The following TMEM132B variants were observed in gnomAD, a reference collection of about 807,000 sequenced individuals.
TMEM132B encodes transmembrane protein 132B.
In TMEM132B, 18 loss-of-function variants were observed where a neutral mutation model predicts 90.8. The observed-to-expected ratio is 0.20, with a 90% confidence interval of 0.14 to 0.29. TMEM132B has a LOEUF of 0.29. Ranked by LOEUF, TMEM132B falls within the 10% of genes least tolerant of loss-of-function variation. The pLI, the probability that TMEM132B is intolerant of heterozygous loss-of-function variation, is 1.00. For synonymous variants in TMEM132B, 504 were observed against 523.3 expected (o/e 0.96, Z 0.50); for missense variants, 1,096 against 1,326.8 (o/e 0.83, Z 2.70).
chr12:125,522,070 G>T (rs965613440), intron 4 of TMEM132B, among the ~76,000 whole-genome samples: 1 of 152,110 alleles, frequency 6.6e-6, no homozygotes, highest in African/African-American at 2.4e-5. Context: ...TTCCTCTCAG[G>T]TCTCCTTTTG....
chr12:125,636,170 G>C (rs561079181), intron 5 of TMEM132B, among the ~76,000 whole-genome samples: 1 of 152,256 alleles, frequency 6.6e-6, no homozygotes, highest in African/African-American at 2.4e-5. Flanking sequence ...GTAGATAGTT[G>C]TTAAATTGGT....
At chr12:125,561,341 G>A (rs559522300) in intron 4 of TMEM132B, among the ~76,000 whole-genome samples, 5 of 151,508 alleles carry the variant, frequency 3.3e-5, no homozygotes, top group African/African-American at 7.3e-5. Flanking sequence ...TGGACATAGG[G>A]AGGGGAACAT....
At chr12:125,197,048 T>C (rs1426360326) in intron 1 of TMEM132B, among the ~76,000 whole-genome samples, 2 of 152,192 alleles carry the variant, frequency 1.3e-5, no homozygotes, top group Admixed American at 6.5e-5. Flanking sequence ...AGGTTTGTTA[T>C]GTAGGTAAAC....
At chr12:125,334,696 T>C (rs1876897060) in intron 1 of TMEM132B, among the ~76,000 whole-genome samples, 1 of 152,242 alleles carries the variant, frequency 6.6e-6, no homozygotes, top group African/African-American at 2.4e-5. Flanking sequence ...ATGGATTCAC[T>C]GGGACCATGA....
At chr12:125,443,673 CATT>C (rs754860330) in intron 3 of TMEM132B, among the ~76,000 whole-genome samples, 2 of 152,034 alleles carry the variant, frequency 1.3e-5, no homozygotes, top group African/African-American at 4.8e-5. Flanking sequence ...GAAATGGAAA[CATT>C]ATAATTAAAC....
intron 5 of TMEM132B, among the ~76,000 whole-genome samples, chr12:125,590,045 G>A (rs928425115): frequency 1.3e-5 from 2 of 152,084 alleles, no homozygotes; most frequent in Admixed American, 6.5e-5. Context: ...CATGAGACCT[G>A]GTTGTTTAAA....
In TMEM132B at chr12:125,213,409, C is replaced by T. The variant is rs1040076869; in HGVS notation, c.67+26543C>T. Among the ~76,000 whole-genome samples the T allele has an allele frequency of 8.5e-5, 13 of 152,166 alleles. No homozygotes were observed. Among genetic ancestry groups the T allele is most frequent in the Admixed American group, 2.0e-4 (3 of 15,278 alleles). On this transcript the variant is annotated intron_variant, in intron 1 of 8. Transcript: ENST00000682704. The surrounding 1 kb of genome is among the most constrained non-coding windows in gnomAD (Gnocchi z 4.2). The stretch of plus-strand genomic sequence containing the variant: ...ATTTGTGTACAAGTATTTGTTTGAG[C>T]ACCTGTTTTCATTCTTTCTGGTATA...
At chr12:125,641,837 C>T (rs10846935) in intron 5 of TMEM132B, among the ~76,000 whole-genome samples, 14,821 of 151,996 alleles carry the variant, frequency 0.098, 1,181 homozygotes, top group Admixed American at 0.27. Flanking sequence ...AAGGGAGAAC[C>T]GTAATTTTCC....
intron 1 of TMEM132B, among the ~76,000 whole-genome samples, chr12:125,256,001 T>C (rs1347745119): frequency 2.0e-5 from 3 of 152,210 alleles, no homozygotes; most frequent in African/African-American, 7.2e-5. Context: ...TCGCTTTTTT[T>C]TTAATTTTAA....
At chr12:125,357,413 G>A (rs138728185) in intron 2 of TMEM132B, among the ~76,000 whole-genome samples, 16 of 152,210 alleles carry the variant, frequency 1.1e-4, no homozygotes, top group Middle Eastern at 6.8e-3. Flanking sequence ...TCATGTACCC[G>A]TGCCTTCTGT....
At chr12:125,331,373 C>T (rs1466349890) in intron 1 of TMEM132B, among the ~76,000 whole-genome samples, 2 of 152,206 alleles carry the variant, frequency 1.3e-5, no homozygotes, top group African/African-American at 4.8e-5. Context: ...GGGTTTTTAC[C>T]CAGGGTGGGG....
intron 3 of TMEM132B, among the ~76,000 whole-genome samples, chr12:125,461,589 A>G (rs1025514418): frequency 1.3e-5 from 2 of 152,232 alleles, no homozygotes; most frequent in African/African-American, 4.8e-5. Flanking sequence ...AGAATCTCTC[A>G]ATTTTTGAAT....
rs566585148 is a variant in TMEM132B at position 125,423,094 on chromosome 12, T to C, written c.1106+7417T>C. Among the ~76,000 whole-genome samples, 164 of 152,284 alleles carry C rather than the reference T, an allele frequency of 1.1e-3. 1 individual carries two copies. The highest frequency in any genetic ancestry group is 3.7e-3 in the African/African-American group (152 of 41,556). On this transcript the variant is annotated intron_variant, in intron 3 of 8. Coordinates refer to ENST00000682704, the MANE Select transcript of TMEM132B (RefSeq NM_001366854.1). ...CCCTTACCCCAGTAGGCTACAAGCA[T>C]TGGCCTTTGAAGAAAAGTCTCCAGG... is the stretch of plus-strand genomic sequence containing the variant.
At chr12:125,362,560 G>C (rs1450978058) in intron 2 of TMEM132B, among the ~76,000 whole-genome samples, 3 of 152,140 alleles carry the variant, frequency 2.0e-5, no homozygotes, top group Admixed American at 6.5e-5. Flanking sequence ...TAGATTTCTA[G>C]AACTTGTTCA....
intron 2 of TMEM132B, among the ~76,000 whole-genome samples, chr12:125,392,709 G>A (rs1566021632): frequency 6.6e-6 from 1 of 152,196 alleles, no homozygotes; most frequent in Non-Finnish European, 1.5e-5. Context: ...TGCAGGCTGG[G>A]ACCAATAACC....
intron 1 of TMEM132B, among the ~76,000 whole-genome samples, chr12:125,270,260 C>T (rs1380223527): frequency 6.6e-6 from 1 of 152,036 alleles, no homozygotes; most frequent in Non-Finnish European, 1.5e-5. Context: ...CCTCAGCCTC[C>T]TGAGTAGCTG....
chr12:125,303,028 C>T (rs1333370096), intron 1 of TMEM132B, among the ~76,000 whole-genome samples: 1 of 151,846 alleles, frequency 6.6e-6, no homozygotes, highest in Non-Finnish European at 1.5e-5. Flanking sequence ...ACCCAGGAGG[C>T]AGAGGTTGCA....
At chr12:125,228,353 G>A (rs559884536) in intron 1 of TMEM132B, among the ~76,000 whole-genome samples, 1 of 152,336 alleles carries the variant, frequency 6.6e-6, no homozygotes, top group South Asian at 2.1e-4. Context: ...AGGCGAGTGA[G>A]GAGGGATTTG....
At chr12:125,383,559 T>C (rs1400810449) in intron 2 of TMEM132B, among the ~76,000 whole-genome samples, 1 of 152,196 alleles carries the variant, frequency 6.6e-6, no homozygotes, top group Admixed American at 6.5e-5. Context: ...TTGTCTCTCT[T>C]CCATCAGACC....
Sources: gnomAD v4.1 joint callset for allele counts (sites outside exome capture counted in the v4.1 genomes callset) on GRCh38, gnomAD v4.1.1 for gene constraint, Gnocchi (gnomAD v3.1) non-coding constraint, MANE v1.5 for transcripts, NCBI Gene and HGNC (gene_info 2026-07-23, HGNC 2026-07-21) for gene names.